Variants in SNURF observed in about 807,000 individuals in gnomAD.
SNURF encodes the protein SNURF protein.
In SNURF, 6 loss-of-function variants were observed where a neutral mutation model predicts 11.6. The ratio of observed to expected loss-of-function variants is 0.52; its 90% CI spans 0.28 to 1.02. SNURF has a LOEUF of 1.02. Ranked by LOEUF, SNURF falls within the 50% of genes least tolerant of loss-of-function variation. The probability of loss-of-function intolerance (pLI) is 0.09; values close to 1 mark genes in which losing one functional copy is unlikely to be tolerated. For missense variants in SNURF, 84 were observed against 88.4 expected, an observed-to-expected ratio of 0.95 and a Z score of 0.20; for synonymous variants, 29 against 31.6, an observed-to-expected ratio of 0.92 and a Z score of 0.27.
At chr15:24,962,483 A>G (rs941641202) in intron 2 of SNURF, among the ~76,000 whole-genome samples, 1 of 152,196 alleles carries the variant, frequency 6.6e-6, no homozygotes, top group Non-Finnish European at 1.5e-5. Context: ...CAACATAAGC[A>G]TACTTAAATT....
chr15:24,961,944 G>A (rs566459132), intron 1 of SNURF, among the ~76,000 whole-genome samples, 170 bp from the exon 2 acceptor site: 21 of 152,182 alleles, frequency 1.4e-4, no homozygotes, highest in African/African-American at 4.3e-4. Context: ...AGTGGTTATA[G>A]CATAGATTAT....
intron 4 of SNURF, chr15:24,975,639 T>A: frequency 1.4e-6 from 1 of 732,414 alleles, no homozygotes. Flanking sequence ...GTCTATTGTT[T>A]AACCTCTTGA....
downstream of SNURF, chr15:24,978,053 A>G (rs1167319041): frequency 8.4e-6 from 10 of 1,188,432 alleles, no homozygotes; most frequent in African/African-American, 1.5e-5. Flanking sequence ...AATGAAAGAC[A>G]TAGAAGAGTA....
At chr15:24,956,682 C>T (rs1185018456) in intron 1 of SNURF, among the ~76,000 whole-genome samples, 1 of 152,188 alleles carries the variant, frequency 6.6e-6, no homozygotes, top group African/African-American at 2.4e-5. Context: ...CTGTTCCTTT[C>T]CGGTTGTGGC....
chr15:24,956,847 C>T (rs978438746), intron 1 of SNURF, among the ~76,000 whole-genome samples: 1 of 152,182 alleles, frequency 6.6e-6, no homozygotes, highest in African/African-American at 2.4e-5. Context: ...GGGATGGCAG[C>T]TGCACTGGGC....
chr15:24,959,253 A>G (rs1380236355), intron 1 of SNURF, among the ~76,000 whole-genome samples: 1 of 152,162 alleles, frequency 6.6e-6, no homozygotes, highest in African/African-American at 2.4e-5. Flanking sequence ...AGATAAATGC[A>G]TGTGTGTGTG....
At position 24,955,766 on chromosome 15, in the gene SNURF, TGGC is replaced by T. The variant is rs201780389; in HGVS notation, c.14+710_14+712del. ...GGGGGAAGGCGGCGACAGTGGGTATTGGCGGCGGTGGGCATTGGCAGCGGGTAG... is the reference window on the plus strand; with the variant it reads ...GGGGGAAGGCGGCGACAGTGGGTATTGGCGGTGGGCATTGGCAGCGGGTAG... On this transcript the variant is annotated intron_variant, in intron 1 of 2. Coordinates refer to ENST00000577949, the Ensembl canonical transcript of SNURF. Among the ~76,000 whole-genome samples, 579 of 150,350 alleles carry T rather than the reference TGGC, an allele frequency of 3.9e-3. 2 individuals are homozygous for T. The highest frequency in any genetic ancestry group is 0.014 in the African/African-American group (556 of 40,870).
At chr15:24,969,000 A>G (rs1424144891), downstream of SNURF, among the ~76,000 whole-genome samples, 1 of 152,122 alleles carries the variant, frequency 6.6e-6, no homozygotes, top group Non-Finnish European at 1.5e-5. Flanking sequence ...TACTTTTTAC[A>G]AAGTAAGAGC....
intron 1 of SNURF, among the ~76,000 whole-genome samples, chr15:24,956,440 C>T (rs2062912144): frequency 6.6e-6 from 1 of 151,854 alleles, no homozygotes; most frequent in African/African-American, 2.4e-5. Flanking sequence ...TTCGGAGTTT[C>T]AGCCGTACCC....
At chr15:24,977,133 C>A in intron 6 of SNURF, 2 of 916,378 alleles carry the variant, frequency 2.2e-6, no homozygotes, top group Non-Finnish European at 3.1e-6. Context: ...ATGTAAACAG[C>A]ATATGGTTTA....
chr15:24,976,721 C>A (rs2077100114), intron 5 of SNURF, among the ~76,000 whole-genome samples: 1 of 152,182 alleles, frequency 6.6e-6, no homozygotes, highest in Admixed American at 6.5e-5. Flanking sequence ...ACACAAGATA[C>A]CTCCATGGTA....
intron 1 of SNURF, among the ~76,000 whole-genome samples, chr15:24,961,323 A>G (rs189054604): frequency 6.6e-6 from 1 of 152,352 alleles, no homozygotes; most frequent in East Asian, 1.9e-4. Context: ...TCTAGGGTTC[A>G]GAGAATTATT....
At chr15:24,955,679 T>G in intron 1 of SNURF, among the ~76,000 whole-genome samples, 7 of 57,842 alleles carry the variant, frequency 1.2e-4, no homozygotes, top group African/African-American at 2.2e-4. Context: ...GGTGTGACAG[T>G]GGTGGGGGTT....
intron 1 of SNURF, among the ~76,000 whole-genome samples, chr15:24,956,725 C>T (rs2062982115): frequency 6.6e-6 from 1 of 152,250 alleles, no homozygotes; most frequent in South Asian, 2.1e-4. Context: ...GATGGGTTGG[C>T]GCAGGCTCCG....
exon 3 of SNURF, chr15:24,968,249 C>T: frequency 1.9e-6 from 1 of 530,974 alleles, no homozygotes; most frequent in Non-Finnish European, 3.4e-6. Flanking sequence ...AATTTTCTGC[C>T]CTGACACTTT....
At chr15:24,955,205 C>A (rs2062637655) in intron 1 of SNURF, 143 bp downstream of exon 1, 3 of 1,161,158 alleles carry the variant, frequency 2.6e-6, no homozygotes, top group Admixed American at 2.0e-5. Context: ...AGAACCAGAT[C>A]CGGAATGTTC....
At chr15:24,956,653 C>A (rs2062961432) in intron 1 of SNURF, among the ~76,000 whole-genome samples, 1 of 152,210 alleles carries the variant, frequency 6.6e-6, no homozygotes, top group African/African-American at 2.4e-5. Flanking sequence ...CCCTCCCCTT[C>A]ACCTGGCTGA....
chr15:24,967,890 A>G, intron 2 of SNURF, 42 bp from the exon 3 acceptor site: 4 of 1,535,446 alleles, frequency 2.6e-6, no homozygotes, highest in Non-Finnish European at 3.6e-6. Context: ...TATAAAGACA[A>G]ATGTATTTTT....
At chr15:24,972,651 T>C (rs1393872218), downstream of SNURF, among the ~76,000 whole-genome samples, 1 of 151,004 alleles carries the variant, frequency 6.6e-6, no homozygotes, top group Non-Finnish European at 1.5e-5. Context: ...TCAAAAGTAA[T>C]TTGTGTTTCA....
Sources: gnomAD v4.1 joint callset for allele counts (sites outside exome capture counted in the v4.1 genomes callset) on GRCh38, gnomAD v4.1.1 for gene constraint, MANE v1.5 for transcripts, NCBI Gene and HGNC (gene_info 2026-07-23, HGNC 2026-07-21) for gene names.